ODAD4: variants seen among roughly 807,000 people sequenced by gnomAD.
The protein encoded by ODAD4 is outer dynein arm-docking complex subunit 4.
ODAD4 carries 49 observed loss-of-function variants against 51.8 expected under a neutral mutation model. That is an observed-to-expected ratio of 0.95 (90% CI 0.75 to 1.20). The LOEUF (loss-of-function observed/expected upper bound fraction) is 1.20. Ranked by LOEUF, ODAD4 falls within the 50% of genes most tolerant of loss-of-function variation. ODAD4 has a pLI of 0.00. For synonymous variants in ODAD4, 235 were observed against 221.3 expected (o/e 1.06, Z -0.55); for missense variants, 590 against 586.5 (o/e 1.01, Z -0.06).
chr17:41,955,168 C>T (rs372459969), intron 9 of ODAD4, 49 bp from the exon 10 acceptor site: 21 of 747,146 alleles, frequency 2.8e-5, no homozygotes, highest in Admixed American at 2.2e-4. Flanking sequence ...TCATGCACCA[C>T]ACGTTGTCAC....
chr17:41,935,594 T>C lies in ODAD4; in HGVS notation c.247-5T>C. On this transcript the variant is annotated splice_polypyrimidine_tract_variant and splice_region_variant and intron_variant, in intron 2 of 11. Transcript: ENST00000377540. The stretch of plus-strand genomic sequence containing the variant: ...TCACATTGATTTGATTTCCTCCCAT[T>C]CCAGGGGATTTTGCAAAAGGCTGAG... 6.2e-7 allele frequency: 1 copy of C among 1,610,332 alleles called. No individual in the cohort carries two copies. Among genetic ancestry groups the C allele is most frequent in the Non-Finnish European group, 8.5e-7 (1 of 1,178,098 alleles).
In ODAD4 at chr17:41,930,666, G is replaced by T; in HGVS notation, c.-58G>T. 2 of 1,135,802 alleles carry T rather than the reference G, an allele frequency of 1.8e-6. No individual in the cohort carries two copies. The highest frequency in any genetic ancestry group is 1.3e-5 in the South Asian group (1 of 75,836). The allele number at this position is 1,135,802 out of a possible 1,614,324, so 70.4% of individuals were successfully genotyped here. On this transcript the variant is annotated 5_prime_UTR_variant, in exon 1 of 12. Transcript: ENST00000377540. The stretch of plus-strand genomic sequence containing the variant: ...AAACGGAGCTTCCACAAACCAGATA[G>T]AGGTTCTCCAGCTTTTCTTTGATTG...
rs142747318 is a variant in ODAD4, at chr17:41,939,199, C to T, written c.1058+27C>T. 355 of 1,595,624 alleles carry T rather than the reference C, an allele frequency of 2.2e-4. 3 individuals are homozygous for T. The highest frequency in any genetic ancestry group is 1.2e-3 in the African/African-American group (92 of 74,612). ...TGAGTGCCCTAGGGGAGGCCACTGG[C>T]GTGAGCCTACGGAGAAGGACACCTG... On this transcript the variant is annotated intron_variant, in intron 7 of 11. Transcript: ENST00000377540.
intron 5 of ODAD4, 129 bp downstream of exon 5, chr17:41,937,056 G>A (rs1239603387): frequency 3.5e-6 from 4 of 1,150,896 alleles, no homozygotes; most frequent in Middle Eastern, 6.0e-4. Context: ...GGTTTTATTA[G>A]CATTCTCATT....
intron 11 of ODAD4, among the ~76,000 whole-genome samples, chr17:41,961,907 C>T (rs946690222): frequency 5.3e-5 from 8 of 152,104 alleles, no homozygotes; most frequent in Non-Finnish European, 1.0e-4. Flanking sequence ...TGCAACGGGG[C>T]GTGGGCTCCT....
intron 1 of ODAD4, among the ~76,000 whole-genome samples, chr17:41,932,138 C>T (rs1321810349): frequency 6.6e-6 from 1 of 151,850 alleles, no homozygotes; most frequent in African/African-American, 2.4e-5. Context: ...GGCGCAATCT[C>T]GGCTCACCCC....
chr17:41,945,337 T>A, intron 8 of ODAD4, 115 bp downstream of exon 8: 72 of 464,324 alleles, frequency 1.6e-4, no homozygotes, highest in Middle Eastern at 5.3e-4. Flanking sequence ...GAAGACTCCC[T>A]CTCTACAAAA....
intron 9 of ODAD4, chr17:41,952,602 T>C (rs782590621): frequency 4.3e-6 from 2 of 462,342 alleles, no homozygotes; most frequent in Non-Finnish European, 8.7e-6. Flanking sequence ...CTGAATGATT[T>C]ACTCTCTTGA....
intron 1 of ODAD4, among the ~76,000 whole-genome samples, chr17:41,932,535 GTTTT>G (rs569011171): frequency 6.7e-6 from 1 of 148,978 alleles, no homozygotes; most frequent in Non-Finnish European, 1.5e-5. Context: ...GGAAACTGTT[GTTTT>G]TTTTTTGTTT....
chr17:41,935,177 T>C, intron 1 of ODAD4, 40 bp from the exon 2 acceptor site: 1 of 1,612,762 alleles, frequency 6.2e-7, no homozygotes, highest in Non-Finnish European at 8.5e-7. Flanking sequence ...TCTACCTTGC[T>C]CTTCATGCTG....
At chr17:41,937,050 T>C (rs1311350535) in intron 5 of ODAD4, 123 bp downstream of exon 5, 1 of 1,177,504 alleles carries the variant, frequency 8.5e-7, no homozygotes, top group Non-Finnish European at 1.2e-6. Context: ...TGGACAGGTT[T>C]TATTAGCATT....
intron 10 of ODAD4, among the ~76,000 whole-genome samples, chr17:41,956,859 A>G (rs2050741284): frequency 6.6e-6 from 1 of 152,134 alleles, no homozygotes; most frequent in Admixed American, 6.5e-5. Flanking sequence ...CTGGGATTAC[A>G]GGCATGGGCC....
At chr17:41,954,676 C>A (rs1339845784) in intron 9 of ODAD4, among the ~76,000 whole-genome samples, 2 of 151,908 alleles carry the variant, frequency 1.3e-5, no homozygotes, top group South Asian at 2.1e-4. Flanking sequence ...CATGACGAAA[C>A]CCCATCTCTA....
At chr17:41,955,710 C>A in intron 10 of ODAD4, among the ~76,000 whole-genome samples, 1 of 152,164 alleles carries the variant, frequency 6.6e-6, no homozygotes, top group South Asian at 2.1e-4. Flanking sequence ...AGGCGTGAGC[C>A]ACTGTGCCCA....
At chr17:41,946,714 T>G (rs912264636) in intron 8 of ODAD4, among the ~76,000 whole-genome samples, 2 of 152,234 alleles carry the variant, frequency 1.3e-5, no homozygotes, top group Non-Finnish European at 2.9e-5. Context: ...TCTCACTCTG[T>G]CACCCAGGCT....
chr17:41,963,625 G>A lies in ODAD4; in HGVS notation c.1529-1368G>A, dbSNP rs192230069. Among the ~76,000 whole-genome samples, 27 of 151,470 alleles carry A rather than the reference G, an allele frequency of 1.8e-4. No individual in the cohort carries two copies. The East Asian group carries it at 4.8e-3, about 27-fold the overall frequency. On this transcript the variant is annotated intron_variant, in intron 11 of 11. Transcript: ENST00000377540. ...TGCACACTTGCAGTGTGACCATTGTGTGATTTCTTTTCTTTCTTTTTTTTT... is the reference window on the plus strand; with the variant it reads ...TGCACACTTGCAGTGTGACCATTGTATGATTTCTTTTCTTTCTTTTTTTTT...
At chr17:41,961,567 G>A in intron 11 of ODAD4, 101 bp downstream of exon 11, 1 of 682,382 alleles carries the variant, frequency 1.5e-6, no homozygotes, top group Non-Finnish European at 2.7e-6. Flanking sequence ...CAATCTGGGG[G>A]CTTGGCACTG....
At chr17:41,954,334 C>G (rs2050699281) in intron 9 of ODAD4, among the ~76,000 whole-genome samples, 1 of 151,966 alleles carries the variant, frequency 6.6e-6, no homozygotes, top group African/African-American at 2.4e-5. Flanking sequence ...TCTGAGGGCT[C>G]AAATCAATCA....
intron 11 of ODAD4, among the ~76,000 whole-genome samples, chr17:41,964,746 C>T (rs374928197): frequency 6.6e-6 from 1 of 152,068 alleles, no homozygotes; most frequent in South Asian, 2.1e-4. Flanking sequence ...TGGGCTCAAG[C>T]GATTCTTCTG....
Sources: gnomAD v4.1 joint callset for allele counts (sites outside exome capture counted in the v4.1 genomes callset) on GRCh38, gnomAD v4.1.1 for gene constraint, MANE v1.5 for transcripts, NCBI Gene and HGNC (gene_info 2026-07-23, HGNC 2026-07-21) for gene names.